NKAIN1: variants seen among roughly 807,000 people sequenced by gnomAD.
NKAIN1 encodes the protein sodium/potassium transporting ATPase interacting 1, also known as sodium/potassium-transporting ATPase subunit beta-1-interacting protein 1.
NKAIN1 carries 13 observed loss-of-function variants against 31.6 expected under a neutral mutation model. The observed-to-expected ratio is 0.41, with a 90% CI of 0.27 to 0.65. NKAIN1 has a LOEUF of 0.65. Ranked by LOEUF, NKAIN1 falls within the 30% of genes least tolerant of loss-of-function variation. NKAIN1 has a pLI of 0.30. For missense variants in NKAIN1, 193 were observed against 262.2 expected, an observed-to-expected ratio of 0.74 and a Z score of 1.82; for synonymous variants, 104 against 109.0, an observed-to-expected ratio of 0.95 and a Z score of 0.28.
intron 3 of NKAIN1, among the ~76,000 whole-genome samples, chr1:31,184,436 A>G (rs1416716928): frequency 6.6e-6 from 1 of 152,110 alleles, no homozygotes; most frequent in Non-Finnish European, 1.5e-5. Context: ...CAGGGTGTGT[A>G]CCCATGTGCC....
At chr1:31,199,679 T>C (rs999987894) in intron 1 of NKAIN1, among the ~76,000 whole-genome samples, 6 of 151,990 alleles carry the variant, frequency 3.9e-5, no homozygotes, top group African/African-American at 1.5e-4. Context: ...TGAGCATGAG[T>C]TGAAATGAGA....
chr1:31,232,426 GAGAGA>G (rs1557664484), intron 1 of NKAIN1, among the ~76,000 whole-genome samples: 15 of 12,486 alleles, frequency 1.2e-3, no homozygotes, highest in African/African-American at 3.0e-3. Context: ...TATATATATA[GAGAGA>G]GAGAGAGAGA....
intron 1 of NKAIN1, among the ~76,000 whole-genome samples, chr1:31,216,371 G>T (rs1395921879): frequency 6.6e-6 from 1 of 152,116 alleles, no homozygotes; most frequent in Non-Finnish European, 1.5e-5. Flanking sequence ...CACTGTGAGG[G>T]AATCATAGCT....
At chr1:31,187,510 C>T (rs1216258470) in intron 2 of NKAIN1, among the ~76,000 whole-genome samples, 1 of 152,118 alleles carries the variant, frequency 6.6e-6, no homozygotes, top group Non-Finnish European at 1.5e-5. Flanking sequence ...GCCAAGCCTT[C>T]CTGAAGCTTC....
intron 1 of NKAIN1, among the ~76,000 whole-genome samples, chr1:31,205,138 A>C (rs1461594359): frequency 6.6e-6 from 1 of 151,360 alleles, no homozygotes; most frequent in African/African-American, 2.5e-5. Flanking sequence ...GGATTGGACA[A>C]GCAATTTTTT....
At chr1:31,197,313 G>A (rs1353223651) in intron 1 of NKAIN1, among the ~76,000 whole-genome samples, 15 of 151,500 alleles carry the variant, frequency 9.9e-5, no homozygotes, top group Non-Finnish European at 1.9e-4. Context: ...GGGTTTCATC[G>A]TGTTAGCCAG....
At chr1:31,205,699 C>T (rs1301909103) in intron 1 of NKAIN1, among the ~76,000 whole-genome samples, 6 of 147,074 alleles carry the variant, frequency 4.1e-5, no homozygotes, top group Non-Finnish European at 7.5e-5. Flanking sequence ...CTCGGCTCAC[C>T]GCAACCTCTG....
intron 1 of NKAIN1, among the ~76,000 whole-genome samples, chr1:31,228,505 G>C (rs1013692704): frequency 1.3e-5 from 2 of 152,126 alleles, no homozygotes; most frequent in Non-Finnish European, 2.9e-5. Flanking sequence ...TGTGCTGTTA[G>C]CACTGTCCTC....
In NKAIN1 at chr1:31,182,557, T is replaced by G; in HGVS notation, c.505A>C (p.Lys169Gln). 6.2e-7 allele frequency: 1 copy of G among 1,614,156 alleles called. No homozygotes were observed. Among genetic ancestry groups the G allele is most frequent in the Non-Finnish European group, 8.5e-7 (1 of 1,180,012 alleles). The change falls in exon 5 of 7, where the codon AAA becomes CAA. Residue 169 changes from lysine to glutamine, a missense_variant. By Grantham distance (53) the Lys-to-Gln change is moderately conservative. Coordinates refer to ENST00000373736, the MANE Select transcript of NKAIN1 (RefSeq NM_024522.3). ...CTGTCCTCCTCCTCCAGGAACACTTTGCTCACGTAGCAGGCGAACACGAAG... is the reference window on the plus strand; with the variant it reads ...CTGTCCTCCTCCTCCAGGAACACTTGGCTCACGTAGCAGGCGAACACGAAG... ...FGFVFACYVS[K>Q]VFLEEEDSFD...
chr1:31,214,485 G>C (rs1240426349), intron 1 of NKAIN1, among the ~76,000 whole-genome samples: 2 of 151,316 alleles, frequency 1.3e-5, no homozygotes, highest in Non-Finnish European at 2.9e-5. Context: ...AAAAAAACCA[G>C]AAACGGATCT....
intron 1 of NKAIN1, among the ~76,000 whole-genome samples, chr1:31,210,735 T>C (rs1645462151): frequency 6.6e-6 from 1 of 152,120 alleles, no homozygotes; most frequent in South Asian, 2.1e-4. Context: ...CAGGGAAAGG[T>C]TGACAGGGGT....
chr1:31,202,087 G>A (rs111539191), intron 1 of NKAIN1, among the ~76,000 whole-genome samples: 3 of 152,124 alleles, frequency 2.0e-5, no homozygotes, highest in Non-Finnish European at 2.9e-5. Context: ...CCCAGGATGC[G>A]ACTGATTGGG....
At chr1:31,222,019 C>T (rs1283950000) in intron 1 of NKAIN1, among the ~76,000 whole-genome samples, 1 of 152,162 alleles carries the variant, frequency 6.6e-6, no homozygotes, top group Non-Finnish European at 1.5e-5. Flanking sequence ...GCTGGAATTA[C>T]AGGCGCCCAC....
Position 31,239,343 on chromosome 1 carries a change from G to A in NKAIN1, c.54+151C>T. 2.2e-6 allele frequency: 1 copy of A among 455,096 alleles called. No individual in the cohort carries two copies. Among genetic ancestry groups the A allele is most frequent in the Non-Finnish European group, 3.6e-6 (1 of 280,144 alleles). 28.2% of individuals were successfully genotyped at this position (455,096 alleles called of 1,614,324 possible). A position where few individuals can be genotyped will look rare whatever the true frequency, so the allele number is the denominator to read the frequency against. On this transcript the variant is annotated intron_variant, in intron 1 of 6. Coordinates refer to ENST00000373736, the MANE Select transcript of NKAIN1 (RefSeq NM_024522.3). This position sits in a 1 kb window ranked among gnomAD's most constrained non-coding sequence, Gnocchi z 4.8. Reference sequence around the variant, plus strand: ...AGCCCGGCCAGCGGGAGCAGGCTCCGCCCGACCGCTCCGAGACTCCAGACC... The same window carrying A: ...AGCCCGGCCAGCGGGAGCAGGCTCCACCCGACCGCTCCGAGACTCCAGACC...
chr1:31,211,144 A>C (rs976460339), intron 1 of NKAIN1, among the ~76,000 whole-genome samples: 1 of 152,240 alleles, frequency 6.6e-6, no homozygotes, highest in Non-Finnish European at 1.5e-5. Context: ...ACTGTGCTGG[A>C]GGTTCTAGCC....
intron 1 of NKAIN1, among the ~76,000 whole-genome samples, chr1:31,236,648 T>A (rs1306633566): frequency 1.3e-5 from 2 of 152,122 alleles, no homozygotes; most frequent in Non-Finnish European, 2.9e-5. Context: ...CTCCCGCAAA[T>A]GATCTTGTGC....
chr1:31,208,343 A>ACC (rs11394529), intron 1 of NKAIN1, among the ~76,000 whole-genome samples: 17 of 151,854 alleles, frequency 1.1e-4, no homozygotes, highest in Non-Finnish European at 1.3e-4. Context: ...TCTTTCTTCC[A>ACC]CCCCCCGCTT....
chr1:31,217,371 G>T (rs1370352712), intron 1 of NKAIN1, among the ~76,000 whole-genome samples: 2 of 152,218 alleles, frequency 1.3e-5, no homozygotes, highest in African/African-American at 2.4e-5. Context: ...TCACTATGTT[G>T]TCCAAGCTGG....
At chr1:31,215,559 A>G (rs10914328) in intron 1 of NKAIN1, among the ~76,000 whole-genome samples, 77,803 of 151,964 alleles carry the variant, frequency 0.51, 21,354 homozygotes, top group East Asian at 0.77. Flanking sequence ...CCTATGCTGA[A>G]GCTCTGATTA....
Sources: gnomAD v4.1 joint callset for allele counts (sites outside exome capture counted in the v4.1 genomes callset) on GRCh38, gnomAD v4.1.1 for gene constraint, Gnocchi (gnomAD v3.1) non-coding constraint, MANE v1.5 for transcripts, NCBI Gene and HGNC (gene_info 2026-07-23, HGNC 2026-07-21) for gene names.